The following SH3GLB1 variants were observed in gnomAD, a reference collection of about 807,000 sequenced individuals.
The protein encoded by SH3GLB1 is SH3 domain containing GRB2 like, endophilin B1.
Under a neutral mutation model 42.0 loss-of-function variants are expected in SH3GLB1, and 17 were observed. That is an observed-to-expected ratio of 0.40 (90% CI 0.28 to 0.61). The LOEUF is 0.61. Ranked by LOEUF, SH3GLB1 falls within the 20% of genes least tolerant of loss-of-function variation. The probability of loss-of-function intolerance (pLI) is 0.36; values close to 1 mark genes in which losing one functional copy is unlikely to be tolerated. For synonymous variants in SH3GLB1, 132 were observed against 146.6 expected, an observed-to-expected ratio of 0.90 and a Z score of 0.72; for missense variants, 355 against 426.3, an observed-to-expected ratio of 0.83 and a Z score of 1.47.
At position 86,724,892 on chromosome 1, in the gene SH3GLB1, A is replaced by AATAT. The variant is rs58927851; in HGVS notation, c.570+505_570+508dup. On this transcript the variant is annotated intron_variant, in intron 5 of 8. Coordinates refer to ENST00000370558, the MANE Select transcript of SH3GLB1 (RefSeq NM_016009.5). ...CTGTCTTTAAAAAAAAAAAAAAAAA[A>AATAT]ATATATATATATATATATATAAAAT... 8.9e-4 allele frequency among the ~76,000 whole-genome samples: 89 copies of AATAT among 99,680 alleles called. 1 individual carries two copies. Among genetic ancestry groups the AATAT allele is most frequent in the East Asian group, 4.2e-3 (15 of 3,578 alleles). The allele number at this position is 99,680 out of a possible 152,430, so 65.4% of individuals were successfully genotyped here.
At chr1:86,716,770 G>A (rs966580673) in intron 2 of SH3GLB1, among the ~76,000 whole-genome samples, 2 of 152,166 alleles carry the variant, frequency 1.3e-5, no homozygotes, top group African/African-American at 4.8e-5. Context: ...GACTAGAACC[G>A]GGTGTATGAA....
chr1:86,742,521 G>C (rs1228024523), intron 8 of SH3GLB1, 85 bp downstream of exon 8: 1 of 956,236 alleles, frequency 1.0e-6, no homozygotes, highest in South Asian at 1.7e-5. Context: ...TTCCTCATTA[G>C]TTATTTGGAA....
intron 1 of SH3GLB1, among the ~76,000 whole-genome samples, chr1:86,715,141 C>T (rs953885535): frequency 1.3e-5 from 2 of 152,076 alleles, no homozygotes; most frequent in Non-Finnish European, 2.9e-5. Flanking sequence ...GATTAAAGTG[C>T]TAATAAGACA....
intron 6 of SH3GLB1, among the ~76,000 whole-genome samples, 184 bp downstream of exon 6, chr1:86,734,875 T>A (rs1490837985): frequency 6.6e-6 from 1 of 152,190 alleles, no homozygotes; most frequent in African/African-American, 2.4e-5. Context: ...TCTCCCACCC[T>A]CATTAAATAT....
At chr1:86,735,268 G>T (rs1180806409) in intron 7 of SH3GLB1, 89 bp downstream of exon 7, 5 of 781,794 alleles carry the variant, frequency 6.4e-6, no homozygotes, top group South Asian at 1.6e-5. Context: ...AGCAATTAAA[G>T]GTTCTTACTA....
intron 1 of SH3GLB1, among the ~76,000 whole-genome samples, chr1:86,710,070 G>C (rs967098647): frequency 6.6e-6 from 1 of 152,026 alleles, no homozygotes; most frequent in African/African-American, 2.4e-5. Flanking sequence ...ACATTTTCTT[G>C]TTATATAAAA....
intron 5 of SH3GLB1, among the ~76,000 whole-genome samples, chr1:86,730,738 G>T (rs1461868262): frequency 3.3e-5 from 5 of 152,134 alleles, no homozygotes; most frequent in Non-Finnish European, 7.3e-5. Context: ...CTGAACTCAG[G>T]TGATCAACCC....
intron 5 of SH3GLB1, among the ~76,000 whole-genome samples, chr1:86,728,112 A>G (rs1378358722): frequency 1.3e-5 from 2 of 151,958 alleles, no homozygotes; most frequent in Non-Finnish European, 2.9e-5. Flanking sequence ...TTTAATAAAA[A>G]TTGTAGGTAA....
intron 5 of SH3GLB1, among the ~76,000 whole-genome samples, chr1:86,724,884 A>ATATATATATAT (rs1436043734): frequency 4.1e-4 from 43 of 104,258 alleles, no homozygotes; most frequent in African/African-American, 2.0e-3. Flanking sequence ...TAAAAAAAAA[A>ATATATATATAT]AAAAAAAAAT....
intron 1 of SH3GLB1, among the ~76,000 whole-genome samples, chr1:86,707,644 A>ATTTTTTTTTTTTTTTTTTTTTTTTTTT (rs948807467): frequency 8.6e-6 from 1 of 116,522 alleles, no homozygotes; most frequent in African/African-American, 3.3e-5. Flanking sequence ...TTTACAGGGT[A>ATTTTTTTTTTTTTTTTTTTTTTTTTTT]TTTTTTTTTT....
chr1:86,714,095 T>A (rs926887681), intron 1 of SH3GLB1, among the ~76,000 whole-genome samples: 1 of 152,224 alleles, frequency 6.6e-6, no homozygotes, highest in Non-Finnish European at 1.5e-5. Context: ...TAAGTGAATT[T>A]TTTTTAGATC....
At position 86,704,890 on chromosome 1, in the gene SH3GLB1, G is replaced by A; in HGVS notation, c.-10G>A. 1.9e-6 allele frequency: 3 copies of A among 1,564,536 alleles called. No individual in the cohort carries two copies. The highest frequency in any genetic ancestry group is 1.2e-5 in the South Asian group (1 of 85,946). On this transcript the variant is annotated 5_prime_UTR_variant, in exon 1 of 9. Coordinates refer to ENST00000370558, the MANE Select transcript of SH3GLB1 (RefSeq NM_016009.5). Reference sequence around the variant, plus strand: ...CTAGGTCGGCCGGCTCCGCCCGGCTGCCGCCTAGGATGAATATCATGGACT... The same window carrying A: ...CTAGGTCGGCCGGCTCCGCCCGGCTACCGCCTAGGATGAATATCATGGACT...
At chr1:86,715,138 G>T (rs779373200) in intron 1 of SH3GLB1, among the ~76,000 whole-genome samples, 1 of 152,150 alleles carries the variant, frequency 6.6e-6, no homozygotes, top group Non-Finnish European at 1.5e-5. Flanking sequence ...TGTGATTAAA[G>T]TGCTAATAAG....
At chr1:86,730,065 C>T in intron 5 of SH3GLB1, 1 of 1,579,372 alleles carries the variant, frequency 6.3e-7, no homozygotes, top group Non-Finnish European at 8.6e-7. Flanking sequence ...TTATATTTTT[C>T]TCTAATTTTT....
chr1:86,735,068 T>A lies in SH3GLB1; in HGVS notation c.661-11T>A. The A allele has an allele frequency of 1.9e-6, 3 of 1,605,492 alleles. No homozygotes were observed. Among genetic ancestry groups the A allele is most frequent in the Non-Finnish European group, 2.6e-6 (3 of 1,172,562 alleles). On this transcript the variant is annotated splice_polypyrimidine_tract_variant and intron_variant, in intron 6 of 8. Coordinates refer to ENST00000370558, the MANE Select transcript of SH3GLB1 (RefSeq NM_016009.5). The stretch of plus-strand genomic sequence containing the variant: ...ATACAGCTAAGAACTAACTATAATT[T>A]TCCTTCACAGGCCCATCACCTTCGC...
chr1:86,737,491 A>G (rs1386258199), intron 7 of SH3GLB1, among the ~76,000 whole-genome samples: 1 of 152,198 alleles, frequency 6.6e-6, no homozygotes, highest in South Asian at 2.1e-4. Flanking sequence ...TTTAATCCCT[A>G]CTGAAGAACC....
intron 1 of SH3GLB1, among the ~76,000 whole-genome samples, chr1:86,705,565 G>T (rs1031118252): frequency 1.3e-5 from 2 of 152,342 alleles, no homozygotes; most frequent in East Asian, 3.9e-4. Flanking sequence ...AGAAACCTAG[G>T]GTTGGGGGGT....
chr1:86,716,252 GTGTTTTTTTGTT>G (rs1247773787), intron 2 of SH3GLB1, among the ~76,000 whole-genome samples: 24 of 149,254 alleles, frequency 1.6e-4, no homozygotes, highest in East Asian at 1.4e-3. Flanking sequence ...AGTTTTTGGT[GTGTTTTTTTGTT>G]TGTTTGTTTG....
intron 1 of SH3GLB1, among the ~76,000 whole-genome samples, chr1:86,710,963 A>C (rs978709643): frequency 1.3e-5 from 2 of 152,230 alleles, no homozygotes; most frequent in East Asian, 3.8e-4. Context: ...GCTACACCCC[A>C]GTCCAATTAA....
Sources: gnomAD v4.1 joint callset for allele counts (sites outside exome capture counted in the v4.1 genomes callset) on GRCh38, gnomAD v4.1.1 for gene constraint, MANE v1.5 for transcripts, NCBI Gene and HGNC (gene_info 2026-07-23, HGNC 2026-07-21) for gene names.